Variants in PRKN observed in about 807,000 individuals in gnomAD.
PRKN encodes the protein parkin RBR E3 ubiquitin protein ligase, also known as E3 ubiquitin-protein ligase parkin.
Under a neutral mutation model 59.5 loss-of-function variants are expected in PRKN, and 56 were observed. The observed-to-expected ratio is 0.94, with a 90% CI of 0.76 to 1.18. The LOEUF (loss-of-function observed/expected upper bound fraction) is 1.18. Ranked by LOEUF, PRKN falls within the 50% of genes most tolerant of loss-of-function variation. PRKN has a pLI of 0.00. For synonymous variants in PRKN, 250 were observed against 222.1 expected (o/e 1.13, Z -1.12); for missense variants, 657 against 596.4 (o/e 1.10, Z -1.06).
intron 2 of PRKN, among the ~76,000 whole-genome samples, chr6:162,320,355 A>C (rs1782941504): frequency 7.6e-6 from 1 of 132,082 alleles, no homozygotes; most frequent in Non-Finnish European, 1.6e-5. Context: ...ATAGAAATAC[A>C]AAAAGCCAAA....
intron 3 of PRKN, among the ~76,000 whole-genome samples, chr6:162,205,746 A>G (rs898479907): frequency 7.5e-6 from 1 of 132,698 alleles, no homozygotes; most frequent in South Asian, 2.2e-4. Flanking sequence ...ATACACACAC[A>G]GACACACACA....
intron 1 of PRKN, among the ~76,000 whole-genome samples, chr6:162,533,003 A>G (rs540475879): frequency 6.6e-6 from 1 of 152,158 alleles, no homozygotes; most frequent in Admixed American, 6.5e-5. Context: ...CCTAAACTAC[A>G]TCTTCTGGCC....
At chr6:161,770,481 T>C (rs1242799097) in intron 7 of PRKN, among the ~76,000 whole-genome samples, 1 of 150,816 alleles carries the variant, frequency 6.6e-6, no homozygotes, top group East Asian at 2.0e-4. Context: ...TATTTATTCA[T>C]TTATGAGACA....
rs1177332315 is a variant in PRKN at position 162,393,155 on chromosome 6, CTTTT to C, written c.171+50151_171+50154del. 8.9e-4 allele frequency among the ~76,000 whole-genome samples: 71 copies of C among 80,172 alleles called. 3 individuals carry two copies. Among genetic ancestry groups the C allele is most frequent in the Middle Eastern group, 6.6e-3 (1 of 152 alleles). 52.6% of individuals were successfully genotyped at this position (80,172 alleles called of 152,430 possible). On this transcript the variant is annotated intron_variant, in intron 2 of 11. Coordinates refer to ENST00000366898, the MANE Select transcript of PRKN (RefSeq NM_004562.3). The stretch of plus-strand genomic sequence containing the variant: ...TGATACTGGGTGAGGATAGGAGATT[CTTTT>C]TTTTTTTTTTTTTTTTTTGAGACAG...
intron 1 of PRKN, among the ~76,000 whole-genome samples, chr6:162,668,110 A>G (rs1166751697): frequency 2.6e-5 from 4 of 152,222 alleles, no homozygotes; most frequent in African/African-American, 9.6e-5. Context: ...GAACCATTAG[A>G]GTAATAATTT....
chr6:161,851,026 T>A (rs9365330), intron 6 of PRKN, among the ~76,000 whole-genome samples: 41,711 of 152,172 alleles, frequency 0.27, 6,474 homozygotes, highest in South Asian at 0.4. Context: ...ATAACGATAC[T>A]TTATTGCCAT....
At chr6:162,723,932 C>G (rs1342661571) in intron 1 of PRKN, among the ~76,000 whole-genome samples, 2 of 152,120 alleles carry the variant, frequency 1.3e-5, no homozygotes, top group Non-Finnish European at 2.9e-5. Context: ...ATAGAAGAGA[C>G]TATGTTCCAA....
chr6:162,596,862 A>G (rs916832796), intron 1 of PRKN, among the ~76,000 whole-genome samples: 1 of 152,154 alleles, frequency 6.6e-6, no homozygotes, highest in South Asian at 2.1e-4. Flanking sequence ...CTGACTTCCC[A>G]AGGAAAGGAA....
intron 6 of PRKN, among the ~76,000 whole-genome samples, chr6:161,934,183 C>T (rs2128241515): frequency 6.6e-6 from 1 of 152,280 alleles, no homozygotes; most frequent in East Asian, 1.9e-4. Context: ...TTCCCCTTTC[C>T]CTCAGCACTT....
intron 1 of PRKN, among the ~76,000 whole-genome samples, chr6:162,467,277 T>C (rs1289672657): frequency 1.3e-5 from 2 of 152,146 alleles, no homozygotes; most frequent in South Asian, 2.1e-4. Flanking sequence ...CTATCCCCAA[T>C]GTCTGGCACA....
At chr6:162,093,665 A>T (rs992033711) in intron 4 of PRKN, among the ~76,000 whole-genome samples, 1 of 152,152 alleles carries the variant, frequency 6.6e-6, no homozygotes, top group Non-Finnish European at 1.5e-5. Flanking sequence ...CCCCCTAAAC[A>T]TTTATGTGAA....
In PRKN at chr6:161,658,030, A is replaced by AAAAAG. The variant is rs71544913; in HGVS notation, c.872-88619_872-88615dup. ...GACTCTGTCTCAAAAAAAAAAAAAAAAAAAGAAAAGAAAAGAAAAAAACGG... is the reference window on the plus strand; with the variant it reads ...GACTCTGTCTCAAAAAAAAAAAAAAAAAAAGAAAAGAAAAGAAAAGAAAAAAACGG... On this transcript the variant is annotated intron_variant, in intron 7 of 11. Coordinates refer to ENST00000366898, the MANE Select transcript of PRKN (RefSeq NM_004562.3). Among the ~76,000 whole-genome samples the AAAAAG allele has an allele frequency of 9.8e-3, 1,013 of 103,884 alleles. 10 individuals are homozygous for AAAAAG. The highest frequency in any genetic ancestry group is 0.045 in the Middle Eastern group (7 of 156). The allele number at this position is 103,884 out of a possible 152,430, so 68.2% of individuals were successfully genotyped here.
At chr6:161,864,094 A>G (rs1794015130) in intron 6 of PRKN, among the ~76,000 whole-genome samples, 1 of 152,176 alleles carries the variant, frequency 6.6e-6, no homozygotes, top group African/African-American at 2.4e-5. Context: ...GGTTCCATAC[A>G]ATAAAACGAA....
chr6:162,494,927 A>G (rs1792988784), intron 1 of PRKN, among the ~76,000 whole-genome samples: 1 of 152,216 alleles, frequency 6.6e-6, no homozygotes, highest in Admixed American at 6.5e-5. Context: ...AGTAGCTAAC[A>G]AGTACTTAAC....
intron 4 of PRKN, among the ~76,000 whole-genome samples, chr6:162,087,827 C>T (rs1401491319): frequency 2.0e-5 from 3 of 151,860 alleles, no homozygotes; most frequent in Non-Finnish European, 4.4e-5. Context: ...CTCGTGACCT[C>T]GTGATCCACC....
At chr6:162,325,225 T>C (rs1467804162) in intron 2 of PRKN, among the ~76,000 whole-genome samples, 2 of 152,088 alleles carry the variant, frequency 1.3e-5, no homozygotes, top group African/African-American at 4.8e-5. Flanking sequence ...GACAAACAGC[T>C]TTTCTTCTGT....
At chr6:161,702,223 A>G (rs1786281832) in intron 7 of PRKN, among the ~76,000 whole-genome samples, 1 of 152,224 alleles carries the variant, frequency 6.6e-6, no homozygotes, top group South Asian at 2.1e-4. Flanking sequence ...GAGAAATTCT[A>G]CCAAAATTAG....
At chr6:161,426,688 T>C (rs891064291) in intron 9 of PRKN, among the ~76,000 whole-genome samples, 4 of 89,698 alleles carry the variant, frequency 4.5e-5, no homozygotes, top group African/African-American at 1.7e-4. Flanking sequence ...TCCTATTAGT[T>C]CTGTCCCTCT....
intron 2 of PRKN, among the ~76,000 whole-genome samples, chr6:162,332,114 A>AG (rs1218654868): frequency 6.6e-6 from 1 of 152,184 alleles, no homozygotes; most frequent in African/African-American, 2.4e-5. Flanking sequence ...GAATTAATCC[A>AG]GGCATGTGGT....
Sources: allele counts gnomAD v4.1 joint callset (sites outside exome capture counted in the v4.1 genomes callset), GRCh38; gene constraint gnomAD v4.1.1; transcripts MANE v1.5; gene names NCBI Gene and HGNC (gene_info 2026-07-23, HGNC 2026-07-21).